CLSPN: variants seen among roughly 807,000 people sequenced by gnomAD.
CLSPN encodes claspin.
CLSPN carries 85 observed loss-of-function variants against 156.3 expected under a neutral mutation model. The observed-to-expected ratio is 0.54, with a 90% CI of 0.46 to 0.65. The LOEUF (loss-of-function observed/expected upper bound fraction) is 0.65, where lower values mean the gene tolerates loss of function less well. Ranked by LOEUF, CLSPN falls within the 30% of genes least tolerant of loss-of-function variation. CLSPN has a pLI of 0.00. For missense variants in CLSPN, 1,407 were observed against 1,554.9 expected (o/e 0.90, Z 1.60); for synonymous variants, 534 against 542.4 (o/e 0.98, Z 0.22).
intron 1 of CLSPN, among the ~76,000 whole-genome samples, chr1:35,768,374 A>T (rs1158062610): frequency 6.6e-6 from 1 of 151,976 alleles, no homozygotes; most frequent in Non-Finnish European, 1.5e-5. Flanking sequence ...TCTCAAAAAA[A>T]AAAAAATTAT....
intron 22 of CLSPN, 164 bp downstream of exon 22, chr1:35,737,821 GTCTAAGA>G (rs2148612766): frequency 4.6e-6 from 2 of 436,378 alleles, no homozygotes; most frequent in African/African-American, 2.0e-5. Context: ...CTGCCCAATA[GTCTAAGA>G]TCTAAGTACA....
chr1:35,748,691 A>C, intron 12 of CLSPN, 87 bp from the exon 13 acceptor site: 9 of 1,140,354 alleles, frequency 7.9e-6, no homozygotes, highest in African/African-American at 1.5e-5. Context: ...TGAAACTGTC[A>C]GATAAAATTC....
At chr1:35,728,525 T>C (rs924065388), downstream of CLSPN, among the ~76,000 whole-genome samples, 2 of 152,172 alleles carry the variant, frequency 1.3e-5, no homozygotes, top group African/African-American at 4.8e-5. Context: ...CATTTGATCA[T>C]CAGAAAGTTG....
chr1:35,736,635 G>C (rs1641483919), intron 24 of CLSPN, 29 bp from the exon 25 acceptor site: 2 of 1,588,062 alleles, frequency 1.3e-6, no homozygotes, highest in East Asian at 4.5e-5. Flanking sequence ...GTCAGGGCCA[G>C]CTAAAGACCT....
rs1641618683 is a variant in CLSPN at position 35,739,493 on chromosome 1, C to T, written c.3180G>A (p.Val1060=). The change falls in exon 19 of 25, where the codon GTG becomes GTA. Residue 1060 remains valine (V), a synonymous_variant. Coordinates refer to ENST00000318121, the MANE Select transcript of CLSPN (RefSeq NM_022111.4). ...CTTCGCTTCCCACATCACTTCCTGA[C>T]ACCTCTGCCTCATCCTCCAGGTATT... is the stretch of plus-strand genomic sequence containing the variant. ...LRKYLEDEAE[V]SGSDVGSEDE... is the part of the protein sequence containing the mutation. 1.2e-6 allele frequency: 2 copies of T among 1,613,976 alleles called. No homozygotes were observed. The highest frequency in any genetic ancestry group is 2.2e-5 in the South Asian group (2 of 91,070).
intron 15 of CLSPN, 33 bp from the exon 16 acceptor site, chr1:35,745,595 A>C: frequency 7.1e-7 from 1 of 1,401,374 alleles, no homozygotes. Flanking sequence ...TGTGTCACCA[A>C]GGAATGATAG....
In CLSPN at chr1:35,746,883, C is replaced by A. The variant is rs1641899654; in HGVS notation, c.2737G>T (p.Asp913Tyr). 1 of 1,614,050 alleles carries A rather than the reference C, an allele frequency of 6.2e-7. No individual in the cohort carries two copies. The highest frequency in any genetic ancestry group is 8.5e-7 in the Non-Finnish European group (1 of 1,179,906). The change falls in exon 15 of 25, where the codon GAT becomes TAT. Residue 913 changes from aspartate to tyrosine, a missense_variant. By Grantham distance (160) the Asp-to-Tyr change is radical. This residue lies in a region of CLSPN where 1,096 missense variants were observed against 1,193.0 expected (regional missense o/e 0.92). Transcript: ENST00000318121. The surrounding 1 kb of genome is among the most constrained non-coding windows in gnomAD (Gnocchi z 4.2). ...GATGTGAACTTTCCAGTACACAAAT[C>A]CAACAGCTCATCCATGTTGGCATCC... ...AMDANMDELLDLCTGKFTSQA... is the reference protein window; with the variant it reads ...AMDANMDELLYLCTGKFTSQA...
chr1:35,755,066 G>T (rs1372282430), intron 8 of CLSPN, among the ~76,000 whole-genome samples: 2 of 152,046 alleles, frequency 1.3e-5, no homozygotes, highest in Non-Finnish European at 2.9e-5. Flanking sequence ...ATGCACACTG[G>T]ATATTTTCAG....
intron 8 of CLSPN, among the ~76,000 whole-genome samples, chr1:35,754,144 C>T (rs367620660): frequency 2.9e-4 from 44 of 152,262 alleles, no homozygotes; most frequent in African/African-American, 9.4e-4. Context: ...TCTTCCTCAA[C>T]GTTTCAAAAA....
intron 7 of CLSPN, 83 bp from the exon 8 acceptor site, chr1:35,760,999 A>C: frequency 7.1e-7 from 1 of 1,408,162 alleles, no homozygotes; most frequent in Non-Finnish European, 9.9e-7. Flanking sequence ...CAGTTAAATC[A>C]GTTTTAAGGG....
At chr1:35,724,294 A>G (rs1641133172) in intron 24 of CLSPN, among the ~76,000 whole-genome samples, 1 of 152,190 alleles carries the variant, frequency 6.6e-6, no homozygotes, top group South Asian at 2.1e-4. Flanking sequence ...GCTCACCAAG[A>G]GAAAGCAAGA....
At chr1:35,737,278 T>G in intron 23 of CLSPN, 61 bp downstream of exon 23, 1 of 1,453,108 alleles carries the variant, frequency 6.9e-7, no homozygotes, top group East Asian at 2.3e-5. Context: ...TTCTCTAAGC[T>G]GGACCTGGGC....
downstream of CLSPN, among the ~76,000 whole-genome samples, chr1:35,730,734 G>A (rs534447114): frequency 9.4e-4 from 142 of 150,572 alleles, no homozygotes; most frequent in African/African-American, 3.2e-3. Flanking sequence ...GTGGTGGTGC[G>A]TGCCTGTAAC....
At position 35,735,745 on chromosome 1, in the gene CLSPN, T is replaced by A; in HGVS notation, c.*751A>T. On this transcript the variant is annotated 3_prime_UTR_variant, in exon 25 of 25. Transcript: ENST00000318121. The stretch of plus-strand genomic sequence containing the variant: ...AAATCTTTCTTTCACCGAGCCCTGG[T>A]CATCATGGTACGTATCTCATGGGTG... 1 of 984,666 alleles carries A rather than the reference T, an allele frequency of 1.0e-6. No individual in the cohort carries two copies. The highest frequency in any genetic ancestry group is 1.2e-6 in the Non-Finnish European group (1 of 829,578). The allele number at this position is 984,666 out of a possible 1,614,324, so 61.0% of individuals were successfully genotyped here. A position where few individuals can be genotyped will look rare whatever the true frequency, so the allele number is the denominator to read the frequency against.
At chr1:35,756,674 G>A (rs2148623003) in intron 8 of CLSPN, among the ~76,000 whole-genome samples, 1 of 152,024 alleles carries the variant, frequency 6.6e-6, no homozygotes, top group Admixed American at 6.5e-5. Flanking sequence ...TTAGAGGCAG[G>A]GATTATTCCA....
At position 35,760,831 on chromosome 1, in the gene CLSPN, C is replaced by A. The variant is rs114727604; in HGVS notation, c.1090G>T (p.Gly364Cys). The A allele has an allele frequency of 3.3e-5, 54 of 1,613,888 alleles. No individual in the cohort carries two copies. The Middle Eastern group carries it at 1.8e-3, about 54-fold the overall frequency. ...TEMNSDHHSK[G>C]SEQTTGAENE... ...TCTGCACCTGTTGTCTGCTCAGAAC[C>A]TTTACTATGGTGATCACTGTTCATT... is the stretch of plus-strand genomic sequence containing the variant. The change falls in exon 8 of 25, where the codon GGT (glycine) becomes TGT (cysteine). Residue 364 changes from glycine to cysteine, a missense_variant. This residue lies in a region of CLSPN where 1,096 missense variants were observed against 1,193.0 expected (regional missense o/e 0.92). Transcript: ENST00000318121.
In CLSPN at chr1:35,769,478, G is replaced by A. The variant is rs541873251; in HGVS notation, c.24+369C>T. On this transcript the variant is annotated intron_variant, in intron 1 of 24. Transcript: ENST00000318121. ...CCCCCGCACCGCTGCGGCCGGGTTC[G>A]GCTAGAGCCTCCCGGCTTTCAGAGC... is the stretch of plus-strand genomic sequence containing the variant. Among the ~76,000 whole-genome samples, 15 of 152,208 alleles carry A rather than the reference G, an allele frequency of 9.9e-5. 2 individuals are homozygous for A. Among genetic ancestry groups the A allele is most frequent in the Non-Finnish European group, 1.9e-4 (13 of 68,024 alleles).
Position 35,732,786 on chromosome 1 carries a change from G to A in CLSPN, c.*3710C>T, listed in dbSNP as rs1214202328. ...CTGATGCTGCTGGCTCAGTGCTTTG[G>A]GCAAAGGGCATATGGGTCAGATTGA... On this transcript the variant is annotated 3_prime_UTR_variant, in exon 25 of 25. Transcript: ENST00000318121. The A allele has an allele frequency of 1.0e-6, 1 of 985,210 alleles. No homozygotes were observed. Among genetic ancestry groups the A allele is most frequent in the East Asian group, 1.1e-4 (1 of 8,826 alleles). The allele number at this position is 985,210 out of a possible 1,614,324, so 61.0% of individuals were successfully genotyped here.
At chr1:35,731,164 C>T (rs940033511), downstream of CLSPN, among the ~76,000 whole-genome samples, 4 of 148,474 alleles carry the variant, frequency 2.7e-5, no homozygotes, top group Non-Finnish European at 4.4e-5. Flanking sequence ...CGTACCACTG[C>T]ATTCCAGCCT....
Sources: gnomAD v4.1 joint callset for allele counts (sites outside exome capture counted in the v4.1 genomes callset) on GRCh38, gnomAD v4.1.1 for gene constraint, gnomAD v4.1.1 regional missense constraint, Gnocchi (gnomAD v3.1) non-coding constraint, MANE v1.5 for transcripts, NCBI Gene and HGNC (gene_info 2026-07-23, HGNC 2026-07-21) for gene names.